Variants in MED20 observed in about 807,000 individuals in gnomAD.
MED20 encodes mediator complex subunit 20.
In MED20, 19 loss-of-function variants were observed where a neutral mutation model predicts 19.7. That is an observed-to-expected ratio of 0.96 (90% CI 0.67 to 1.42). The LOEUF is 1.42. MED20 is among the 40% of genes most tolerant of loss of function. The probability of loss-of-function intolerance (pLI) is 0.00; values close to 1 mark genes in which losing one functional copy is unlikely to be tolerated. For missense variants in MED20, 225 were observed against 273.0 expected (o/e 0.82, Z 1.24); for synonymous variants, 105 against 104.8 (o/e 1.00, Z -0.01).
At chr6:41,908,396 C>T (rs754969863) in intron 3 of MED20, among the ~76,000 whole-genome samples, 1 of 152,188 alleles carries the variant, frequency 6.6e-6, no homozygotes, top group Non-Finnish European at 1.5e-5. Flanking sequence ...ACTCTCACTC[C>T]TTGTCACTAT....
At chr6:41,915,789 A>AAC (rs34924867) in intron 2 of MED20, among the ~76,000 whole-genome samples, 1 of 148,592 alleles carries the variant, frequency 6.7e-6, no homozygotes, top group Non-Finnish European at 1.5e-5. Context: ...TCCGTCTCAA[A>AAC]ACACACACAC....
chr6:41,920,906 C>T, intron 1 of MED20, 99 bp downstream of exon 1: 2 of 1,484,952 alleles, frequency 1.3e-6, no homozygotes, highest in Non-Finnish European at 1.8e-6. Flanking sequence ...CCGAGGACAT[C>T]TCCCTCAGCT....
chr6:41,915,019 A>G (rs1227812405), intron 2 of MED20, among the ~76,000 whole-genome samples: 2 of 152,260 alleles, frequency 1.3e-5, no homozygotes, highest in African/African-American at 4.8e-5. Flanking sequence ...GCAGTCAATC[A>G]GTAAACAGGG....
At chr6:41,908,802 T>A (rs1280497469) in intron 3 of MED20, 2 of 159,042 alleles carry the variant, frequency 1.3e-5, no homozygotes, top group African/African-American at 4.8e-5. Context: ...AGTCTCTGAA[T>A]AATTAAAGAA....
Position 41,906,785 on chromosome 6 carries a change from A to C in MED20, c.*287T>G. The C allele has an allele frequency of 2.6e-6, 1 of 390,680 alleles. No homozygotes were observed. Among genetic ancestry groups the C allele is most frequent in the African/African-American group, 2.0e-5 (1 of 50,240 alleles). 24.2% of individuals were successfully genotyped at this position (390,680 alleles called of 1,614,324 possible). A position where few individuals can be genotyped will look rare whatever the true frequency, so the allele number is the denominator to read the frequency against. Reference sequence around the variant, plus strand: ...GACATTCCTGTCCTACCTTTCCCCTAAAGGAGGCAAGGTCCAAACTTCTCC... The same window carrying C: ...GACATTCCTGTCCTACCTTTCCCCTCAAGGAGGCAAGGTCCAAACTTCTCC... On this transcript the variant is annotated 3_prime_UTR_variant, in exon 4 of 4. Transcript: ENST00000265350.
chr6:41,920,953 C>G, intron 1 of MED20, 52 bp downstream of exon 1: 1 of 1,593,198 alleles, frequency 6.3e-7, no homozygotes, highest in East Asian at 2.3e-5. Flanking sequence ...GGTCCTCTTT[C>G]CGGCCTTTCA....
Position 41,921,089 on chromosome 6 carries a change from C to G in MED20, c.-71G>C, listed in dbSNP as rs2274578. 0.5 allele frequency: 796,441 copies of G among 1,585,888 alleles called. 202,868 individuals carry two copies. The highest frequency in any genetic ancestry group is 0.6 in the African/African-American group (43,769 of 73,494). On this transcript the variant is annotated 5_prime_UTR_variant, in exon 1 of 4. Coordinates refer to ENST00000265350, the MANE Select transcript of MED20 (RefSeq NM_004275.5). ...GGTTCCCTGTCCGCCCACAGAAACT[C>G]CTTCAGTTCCCCAACACAACCTTCT...
At position 41,916,781 on chromosome 6, in the gene MED20, T is replaced by C; in HGVS notation, c.169+4A>G. 2 of 1,613,932 alleles carry C rather than the reference T, an allele frequency of 1.2e-6. No individual in the cohort carries two copies. Among genetic ancestry groups the C allele is most frequent in the East Asian group, 2.2e-5 (1 of 44,878 alleles). On this transcript the variant is annotated splice_donor_region_variant and intron_variant, in intron 2 of 3. Transcript: ENST00000265350. ...CAGCCATCCTACAGACCCATCTCAC[T>C]GACCTTGGCTGCCAAGGGTAGAGGC...
At chr6:41,909,687 AAAGGTAGGG>A (rs1775144721) in intron 2 of MED20, among the ~76,000 whole-genome samples, 165 bp from the exon 3 acceptor site, 1 of 152,016 alleles carries the variant, frequency 6.6e-6, no homozygotes, top group Non-Finnish European at 1.5e-5. Flanking sequence ...CCTTTTCTAG[AAAGGTAGGG>A]GGAAATAGCA....
chr6:41,918,963 A>C (rs1412262874), intron 1 of MED20, among the ~76,000 whole-genome samples: 1 of 145,574 alleles, frequency 6.9e-6, no homozygotes, highest in Non-Finnish European at 1.5e-5. Flanking sequence ...CAAAAAAAAA[A>C]AAAAAATACA....
intron 2 of MED20, among the ~76,000 whole-genome samples, chr6:41,913,304 T>C (rs73426219): frequency 0.018 from 2,701 of 152,136 alleles, 84 homozygotes; most frequent in African/African-American, 0.06. Flanking sequence ...GAAGCTCCAA[T>C]CCAGGCATGC....
At chr6:41,911,314 C>G (rs1378826450) in intron 2 of MED20, among the ~76,000 whole-genome samples, 2 of 151,752 alleles carry the variant, frequency 1.3e-5, no homozygotes, top group African/African-American at 4.8e-5. Flanking sequence ...CCACACCTGG[C>G]TAATTTTTGT....
At chr6:41,908,304 TGTTTTCTTATCTCAGTGCTGG>T (rs1775106814) in intron 3 of MED20, among the ~76,000 whole-genome samples, 1 of 152,204 alleles carries the variant, frequency 6.6e-6, no homozygotes, top group African/African-American at 2.4e-5. Flanking sequence ...CAAGCTTACT[TGTTTTCTTATCTCAGTGCTGG>T]GCACATTATA....
chr6:41,917,392 G>A (rs992953866), intron 1 of MED20: 1 of 174,966 alleles, frequency 5.7e-6, no homozygotes, highest in Admixed American at 5.4e-5. Flanking sequence ...AGGGCGAGAC[G>A]CCATCTTAAA....
In MED20 at chr6:41,907,250, C is replaced by G; in HGVS notation, c.461G>C (p.Trp154Ser). The G allele has an allele frequency of 6.2e-7, 1 of 1,613,830 alleles. No homozygotes were observed. The highest frequency in any genetic ancestry group is 8.5e-7 in the Non-Finnish European group (1 of 1,179,960). Residue 154 changes from tryptophan to serine, a missense_variant, in exon 4 of 4, where the codon TGG becomes TCG. Transcript: ENST00000265350. ...YGPCVVASDC[W>S]SLLLEFLQSF... ...CTGTAGGAACTCGAGCAGCAGACTC[C>G]AGCAGTCACTAGCTACCACACAGGG...
intron 2 of MED20, among the ~76,000 whole-genome samples, chr6:41,913,709 C>A (rs1775250316): frequency 6.6e-6 from 1 of 152,100 alleles, no homozygotes. Context: ...ACCAGCCTGG[C>A]CAACATGGTG....
chr6:41,920,515 G>A (rs1775433738), intron 1 of MED20, among the ~76,000 whole-genome samples: 1 of 152,194 alleles, frequency 6.6e-6, no homozygotes, highest in East Asian at 1.9e-4. Context: ...GATGTATCCA[G>A]AAGAGAATGA....
chr6:41,906,545 A>T lies in MED20; in HGVS notation c.*527T>A, dbSNP rs1775053574. 6.5e-6 allele frequency: 1 copy of T among 153,634 alleles called. No individual in the cohort carries two copies. The allele number at this position is 153,634 out of a possible 1,614,324, so 9.5% of individuals were successfully genotyped here. On this transcript the variant is annotated 3_prime_UTR_variant, in exon 4 of 4. Transcript: ENST00000265350. ...CCCTAGGAAAGTCAATTCGCAAATC[A>T]CTTCAGCAAACAGGTCAGAAAATAG...
At position 41,909,362 on chromosome 6, in the gene MED20, A is replaced by G. The variant is rs1025199246; in HGVS notation, c.330T>C (p.Ile110=). Residue 110 remains isoleucine (I), a synonymous_variant, in exon 3 of 4, where the codon ATT becomes ATC. Transcript: ENST00000265350. ...ACTGGTACCTGGTGCCCCGGGTCTC[A>G]ATCTTGCTGGCCTTAGCACTCTGGA... ...GFFQSAKASK[I]ETRGTRYQYC... 2.5e-6 allele frequency: 4 copies of G among 1,614,074 alleles called. No homozygotes were observed. The African/African-American group carries it at 4.0e-5, about 16-fold the overall frequency.
Sources: gnomAD v4.1 joint callset for allele counts (sites outside exome capture counted in the v4.1 genomes callset) on GRCh38, gnomAD v4.1.1 for gene constraint, MANE v1.5 for transcripts, NCBI Gene and HGNC (gene_info 2026-07-23, HGNC 2026-07-21) for gene names.